The following CCSER1 variants were observed in gnomAD, a reference collection of about 807,000 sequenced individuals.
CCSER1 encodes the protein serine-rich coiled-coil domain-containing protein 1.
A neutral mutation model predicts 82.0 loss-of-function variants in CCSER1; 41 were observed. The ratio of observed to expected loss-of-function variants is 0.50; its 90% CI spans 0.39 to 0.65. The LOEUF (loss-of-function observed/expected upper bound fraction) is 0.65. Among genes scored for constraint, CCSER1 ranks in the 30% least tolerant of loss-of-function variants. CCSER1 has a pLI of 0.00. For missense variants in CCSER1, 1,119 were observed against 1,064.2 expected (o/e 1.05, Z -0.72); for synonymous variants, 414 against 383.9 (o/e 1.08, Z -0.92).
intron 6 of CCSER1, among the ~76,000 whole-genome samples, chr4:90,639,635 G>C (rs1726114404): frequency 6.6e-6 from 1 of 152,064 alleles, no homozygotes; most frequent in African/African-American, 2.4e-5. Flanking sequence ...GTGACAGATA[G>C]AGAAAAATCA....
intron 6 of CCSER1, among the ~76,000 whole-genome samples, chr4:90,705,957 G>T (rs1014896774): frequency 2.0e-5 from 3 of 152,172 alleles, no homozygotes; most frequent in Non-Finnish European, 4.4e-5. Context: ...TTCAGCTTAC[G>T]CTTGTTGGAC....
chr4:90,225,231 ATTTTTTTTT>A (rs57188209), intron 1 of CCSER1, among the ~76,000 whole-genome samples: 66,768 of 112,816 alleles, frequency 0.59, 19,369 homozygotes, highest in East Asian at 0.82. Flanking sequence ...TACCCGGCTA[ATTTTTTTTT>A]TTTTTTTTTT....
chr4:91,160,818 G>A (rs1182454872), intron 10 of CCSER1, among the ~76,000 whole-genome samples: 1 of 152,012 alleles, frequency 6.6e-6, no homozygotes, highest in African/African-American at 2.4e-5. Flanking sequence ...TGTCAGATGG[G>A]TAGATTGCCA....
intron 10 of CCSER1, among the ~76,000 whole-genome samples, chr4:91,514,681 A>G (rs189887774): frequency 1.3e-5 from 2 of 152,252 alleles, no homozygotes; most frequent in East Asian, 3.9e-4. Flanking sequence ...GACAAGTTCC[A>G]CAATGTGCAG....
intron 10 of CCSER1, among the ~76,000 whole-genome samples, chr4:91,401,155 A>G (rs1752291366): frequency 6.6e-6 from 1 of 151,650 alleles, no homozygotes; most frequent in Non-Finnish European, 1.5e-5. Context: ...TGCCCATCTA[A>G]ATAGATACCC....
Position 91,600,163 on chromosome 4 carries a change from G to A in CCSER1, c.*1106G>A, listed in dbSNP as rs1262421963. Reference sequence around the variant, plus strand: ...AATCTTAGAAATAAGCTTCTAACAGGAATATTTAAAACCCATTTGATGGCA... The same window carrying A: ...AATCTTAGAAATAAGCTTCTAACAGAAATATTTAAAACCCATTTGATGGCA... On this transcript the variant is annotated 3_prime_UTR_variant, in exon 11 of 11. Coordinates refer to ENST00000509176, the MANE Select transcript of CCSER1 (RefSeq NM_001145065.2). The A allele has an allele frequency of 6.6e-6, 1 of 151,876 alleles. No homozygotes were observed. Among genetic ancestry groups the A allele is most frequent in the African/African-American group, 2.4e-5 (1 of 41,348 alleles). 9.4% of individuals were successfully genotyped at this position (151,876 alleles called of 1,614,324 possible).
intron 7 of CCSER1, chr4:90,781,907 A>C: frequency 1.1e-6 from 1 of 931,146 alleles, no homozygotes; most frequent in East Asian, 1.2e-4. Flanking sequence ...TTACAAAAAA[A>C]GATAAAATCG....
chr4:91,581,191 A>G (rs966604589), intron 10 of CCSER1, among the ~76,000 whole-genome samples: 2 of 151,778 alleles, frequency 1.3e-5, no homozygotes, highest in African/African-American at 4.8e-5. Flanking sequence ...AAAAGGAAAC[A>G]TAAAATGGCT....
intron 9 of CCSER1, among the ~76,000 whole-genome samples, chr4:91,075,352 A>G (rs942433741): frequency 6.6e-6 from 1 of 152,124 alleles, no homozygotes; most frequent in Non-Finnish European, 1.5e-5. Flanking sequence ...TTCATATTCT[A>G]TAGTGAGAAA....
chr4:90,739,125 A>C (rs753562851), intron 7 of CCSER1, among the ~76,000 whole-genome samples: 3 of 152,234 alleles, frequency 2.0e-5, no homozygotes, highest in Non-Finnish European at 2.9e-5. Context: ...AGTGGCAAGT[A>C]CTGCCTGCCT....
chr4:91,449,721 C>T (rs945355949), intron 10 of CCSER1, among the ~76,000 whole-genome samples: 3 of 151,552 alleles, frequency 2.0e-5, no homozygotes, highest in Non-Finnish European at 4.4e-5. Flanking sequence ...AATTATTTTT[C>T]GTTAATTGTT....
intron 4 of CCSER1, among the ~76,000 whole-genome samples, chr4:90,407,779 C>G (rs1753959938): frequency 6.6e-6 from 1 of 152,022 alleles, no homozygotes; most frequent in Admixed American, 6.6e-5. Flanking sequence ...GAGTGCTGGA[C>G]AGTGGGTGCA....
At chr4:90,582,598 C>A (rs930163814) in intron 5 of CCSER1, among the ~76,000 whole-genome samples, 3 of 152,152 alleles carry the variant, frequency 2.0e-5, no homozygotes, top group Non-Finnish European at 2.9e-5. Context: ...TACAGTCAAA[C>A]ACAGGTTCTT....
At chr4:90,604,013 A>T (rs79834839) in intron 5 of CCSER1, among the ~76,000 whole-genome samples, 3,080 of 152,204 alleles carry the variant, frequency 0.02, 48 homozygotes, top group South Asian at 0.031. Context: ...GAAATACAGG[A>T]TTGAATGTCT....
In CCSER1 at chr4:90,835,494, C is replaced by T. The variant is rs116689464; in HGVS notation, c.2094+19649C>T. 4.3e-3 allele frequency among the ~76,000 whole-genome samples: 661 copies of T among 152,134 alleles called. 6 individuals are homozygous for T. Among genetic ancestry groups the T allele is most frequent in the Non-Finnish European group, 5.0e-3 (340 of 68,018 alleles). On this transcript the variant is annotated intron_variant, in intron 8 of 10. Transcript: ENST00000509176. ...TTTTACTGTGTACGGTATTTATTAC[C>T]GTGGAGCCATGAGACCAAACTGCAA...
At chr4:91,326,620 C>A (rs1012494841) in intron 10 of CCSER1, among the ~76,000 whole-genome samples, 18 of 152,164 alleles carry the variant, frequency 1.2e-4, no homozygotes, top group African/African-American at 4.1e-4. Flanking sequence ...ACAATCATGC[C>A]TTTCCAGCAG....
At chr4:91,242,511 G>A (rs1739450599) in intron 10 of CCSER1, among the ~76,000 whole-genome samples, 1 of 152,086 alleles carries the variant, frequency 6.6e-6, no homozygotes, top group Admixed American at 6.6e-5. Context: ...TGGATTATAA[G>A]TATAAATGTA....
intron 10 of CCSER1, among the ~76,000 whole-genome samples, chr4:91,556,428 A>C (rs1762407059): frequency 6.6e-6 from 1 of 151,006 alleles, no homozygotes; most frequent in Admixed American, 6.6e-5. Context: ...ATAGTAGAAT[A>C]ATTTTTTAAA....
At chr4:90,453,914 T>C (rs6532231) in intron 4 of CCSER1, among the ~76,000 whole-genome samples, 32,249 of 152,012 alleles carry the variant, frequency 0.21, 4,668 homozygotes, top group African/African-American at 0.39. Flanking sequence ...TCACCCTGGG[T>C]TCCTGGAATG....
Sources: allele counts gnomAD v4.1 joint callset (sites outside exome capture counted in the v4.1 genomes callset), GRCh38; gene constraint gnomAD v4.1.1; transcripts MANE v1.5; gene names NCBI Gene and HGNC (gene_info 2026-07-23, HGNC 2026-07-21).